Variants in PIAS1 observed in about 807,000 individuals in gnomAD.
The protein encoded by PIAS1 is E3 SUMO-protein ligase PIAS1.
A neutral mutation model predicts 71.3 loss-of-function variants in PIAS1; 6 were observed. The observed-to-expected ratio is 0.08, with a 90% CI of 0.05 to 0.17. The LOEUF (loss-of-function observed/expected upper bound fraction) is 0.17, where lower values mean the gene tolerates loss of function less well. PIAS1 is among the 10% of genes least tolerant of loss of function. PIAS1 has a pLI of 1.00. For synonymous variants in PIAS1, 303 were observed against 292.9 expected, an observed-to-expected ratio of 1.03 and a Z score of -0.35; for missense variants, 555 against 793.6, an observed-to-expected ratio of 0.70 and a Z score of 3.61.
At chr15:68,061,005 A>C (rs937975696) in intron 1 of PIAS1, among the ~76,000 whole-genome samples, 1 of 152,268 alleles carries the variant, frequency 6.6e-6, no homozygotes, top group Non-Finnish European at 1.5e-5. Context: ...TAGAAAGATA[A>C]CATAGGCAAT....
intron 2 of PIAS1, among the ~76,000 whole-genome samples, chr15:68,095,527 C>CTT (rs1161480690): frequency 2.3e-4 from 30 of 131,972 alleles, no homozygotes; most frequent in East Asian, 4.3e-4. Flanking sequence ...TTAAGACATT[C>CTT]TTTTTTTTTT....
intron 2 of PIAS1, among the ~76,000 whole-genome samples, chr15:68,129,554 A>G (rs2092674654): frequency 6.6e-6 from 1 of 152,106 alleles, no homozygotes; most frequent in Non-Finnish European, 1.5e-5. Context: ...AGCCAAAAGA[A>G]AACACTGCAT....
intron 2 of PIAS1, among the ~76,000 whole-genome samples, chr15:68,113,344 A>C (rs74020033): frequency 0.027 from 4,123 of 152,304 alleles, 179 homozygotes; most frequent in African/African-American, 0.093. Context: ...CAACAACAAA[A>C]AAAGAAAATG....
intron 1 of PIAS1, among the ~76,000 whole-genome samples, chr15:68,063,814 AGT>A (rs2091986494): frequency 1.3e-5 from 2 of 152,160 alleles, no homozygotes. Flanking sequence ...TTGCAAAATC[AGT>A]GGTGGGTAAA....
chr15:68,134,460 T>C (rs1233583096), intron 2 of PIAS1, among the ~76,000 whole-genome samples: 10 of 45,458 alleles, frequency 2.2e-4, no homozygotes, highest in East Asian at 5.9e-4. Context: ...GCCCCTCACC[T>C]CCCGGACGGG....
At chr15:68,109,447 T>C (rs547306336) in intron 2 of PIAS1, among the ~76,000 whole-genome samples, 1 of 152,348 alleles carries the variant, frequency 6.6e-6, no homozygotes, top group Admixed American at 6.5e-5. Flanking sequence ...CCTAGAATAT[T>C]ATTTTACATA....
chr15:68,072,442 T>G (rs1373374264), intron 1 of PIAS1, among the ~76,000 whole-genome samples: 2 of 146,532 alleles, frequency 1.4e-5, no homozygotes, highest in Admixed American at 6.8e-5. Flanking sequence ...TTATGGGAAG[T>G]TGGGGCCAGA....
At chr15:68,094,102 A>G (rs970642660) in intron 2 of PIAS1, among the ~76,000 whole-genome samples, 5 of 151,824 alleles carry the variant, frequency 3.3e-5, no homozygotes, top group Non-Finnish European at 4.4e-5. Context: ...AATCTTTTCC[A>G]TTAAACACCA....
At chr15:68,166,669 T>C (rs1164642315) in intron 8 of PIAS1, among the ~76,000 whole-genome samples, 1 of 152,254 alleles carries the variant, frequency 6.6e-6, no homozygotes, top group East Asian at 1.9e-4. Flanking sequence ...TATGATGCTT[T>C]ATGTTTAACA....
chr15:68,087,743 T>C (rs555930444), intron 2 of PIAS1: 2 of 300,236 alleles, frequency 6.7e-6, no homozygotes, highest in African/African-American at 2.2e-5. Context: ...GACTGGCAAG[T>C]GTTGAGAACA....
At chr15:68,103,221 C>T (rs916853759) in intron 2 of PIAS1, among the ~76,000 whole-genome samples, 1 of 152,128 alleles carries the variant, frequency 6.6e-6, no homozygotes, top group South Asian at 2.1e-4. Context: ...GCCACTCTGC[C>T]TGACCCTTCT....
Position 68,074,656 on chromosome 15 carries a change from C to CT in PIAS1, c.25-11643dup, listed in dbSNP as rs940790876. On this transcript the variant is annotated intron_variant, in intron 1 of 13. Coordinates refer to ENST00000249636, the MANE Select transcript of PIAS1 (RefSeq NM_016166.3). ...TCTAATGTCCACAAAAGATAAAAGA[C>CT]TTTTTTTATAAAACCATAACCACAG... 7.9e-5 allele frequency among the ~76,000 whole-genome samples: 12 copies of CT among 152,060 alleles called. No individual in the cohort carries two copies. The South Asian group carries it at 8.3e-4, about 11-fold the overall frequency.
chr15:68,137,892 C>G (rs1227699488), intron 2 of PIAS1, among the ~76,000 whole-genome samples: 1 of 152,124 alleles, frequency 6.6e-6, no homozygotes, highest in African/African-American at 2.4e-5. Context: ...CATGTAATCC[C>G]AGGACTTTGG....
rs11298983 is a variant in PIAS1, at chr15:68,068,893, C to CTTTT, written c.24+14560_24+14563dup. On this transcript the variant is annotated intron_variant, in intron 1 of 13. Transcript: ENST00000249636. Reference sequence around the variant, plus strand: ...GTGTTACACCTTAAATGTTTTTGTCCTTTTTTTTTTTTTTTTTTTTGAGGT... The same window carrying CTTTT: ...GTGTTACACCTTAAATGTTTTTGTCCTTTTTTTTTTTTTTTTTTTTTTTTGAGGT... Among the ~76,000 whole-genome samples, 28 of 76,610 alleles carry CTTTT rather than the reference C, an allele frequency of 3.7e-4. No homozygotes were observed. The East Asian group carries it at 6.1e-3, about 17-fold the overall frequency. 50.3% of individuals were successfully genotyped at this position (76,610 alleles called of 152,430 possible).
chr15:68,167,373 A>G lies in PIAS1; in HGVS notation c.1008+2569A>G, dbSNP rs1567073101. Among the ~76,000 whole-genome samples the G allele has an allele frequency of 6.6e-6, 1 of 152,228 alleles. No individual in the cohort carries two copies. The highest frequency in any genetic ancestry group is 2.4e-5 in the African/African-American group (1 of 41,462). On this transcript the variant is annotated intron_variant, in intron 8 of 13. Coordinates refer to ENST00000249636, the MANE Select transcript of PIAS1 (RefSeq NM_016166.3). This position sits in a 1 kb window ranked among gnomAD's most constrained non-coding sequence, Gnocchi z 4.4. Reference sequence around the variant, plus strand: ...ACCTATATATCAAATTTATGGGATAATAAAAGAGATTTGTGCTCTTTGAAA... The same window carrying G: ...ACCTATATATCAAATTTATGGGATAGTAAAAGAGATTTGTGCTCTTTGAAA...
At position 68,187,789 on chromosome 15, in the gene PIAS1, C is replaced by T. The variant is rs773939264; in HGVS notation, c.1910C>T (p.Thr637Met). The part of the protein sequence containing the change: ...HTVTNRSSTD[T>M]ASIFGIIPDI... ...GTCACAAACAGGAGCAGCACGGACACGGCATCCATCTTTGGCATCATACCA... is the reference window on the plus strand; with the variant it reads ...GTCACAAACAGGAGCAGCACGGACATGGCATCCATCTTTGGCATCATACCA... The change falls in exon 14 of 14, where the codon ACG becomes ATG. Residue 637 changes from threonine (T) to methionine (M), a missense_variant. Around this residue, in one of 5 missense-constraint regions of PIAS1, gnomAD observed 244 missense variants for 307.5 expected, o/e 0.79. Coordinates refer to ENST00000249636, the MANE Select transcript of PIAS1 (RefSeq NM_016166.3). The surrounding 1 kb of genome is among the most constrained non-coding windows in gnomAD (Gnocchi z 5.3). The T allele has an allele frequency of 1.2e-5, 20 of 1,613,900 alleles. No individual in the cohort carries two copies. Among genetic ancestry groups the T allele is most frequent in the East Asian group, 2.2e-5 (1 of 44,870 alleles).
At chr15:68,183,272 T>A (rs2093067346) in intron 12 of PIAS1, among the ~76,000 whole-genome samples, 1 of 152,250 alleles carries the variant, frequency 6.6e-6, no homozygotes, top group African/African-American at 2.4e-5. Flanking sequence ...ACATACCTCA[T>A]GAAGTGCTTG....
intron 9 of PIAS1, among the ~76,000 whole-genome samples, chr15:68,175,406 GCTTT>G (rs1251722935): frequency 6.6e-6 from 1 of 152,072 alleles, no homozygotes; most frequent in African/African-American, 2.4e-5. Flanking sequence ...TTGAAATGAA[GCTTT>G]CTTTTGTTGA....
rs569986069 is a variant in PIAS1, at chr15:68,114,981, C to A, written c.470-26965C>A. Among the ~76,000 whole-genome samples, 5 of 152,124 alleles carry A rather than the reference C, an allele frequency of 3.3e-5. No individual in the cohort carries two copies. In the East Asian group the frequency reaches 9.7e-4, roughly 29 times the overall value. ...ACGGGGAGATGGTGTTACAAATCTT[C>A]TCTCATAATAGGCTCTTAATATTCA... is the stretch of plus-strand genomic sequence containing the variant. On this transcript the variant is annotated intron_variant, in intron 2 of 13. Coordinates refer to ENST00000249636, the MANE Select transcript of PIAS1 (RefSeq NM_016166.3).
Sources: allele counts gnomAD v4.1 joint callset (sites outside exome capture counted in the v4.1 genomes callset), GRCh38; gene constraint gnomAD v4.1.1; regional missense constraint gnomAD v4.1.1; non-coding constraint Gnocchi (gnomAD v3.1); transcripts MANE v1.5; gene names NCBI Gene and HGNC (gene_info 2026-07-23, HGNC 2026-07-21).